Variants in RALYL observed in about 807,000 individuals in gnomAD.
The protein encoded by RALYL is RNA-binding Raly-like protein.
Under a neutral mutation model 35.1 loss-of-function variants are expected in RALYL, and 29 were observed. The observed-to-expected ratio is 0.83, with a 90% CI of 0.61 to 1.13. The LOEUF (loss-of-function observed/expected upper bound fraction) is 1.13, where lower values mean the gene tolerates loss of function less well. Ranked by LOEUF, RALYL falls within the 50% of genes most tolerant of loss-of-function variation. The probability of loss-of-function intolerance (pLI) is 0.00; values close to 1 mark genes in which losing one functional copy is unlikely to be tolerated. For synonymous variants in RALYL, 120 were observed against 127.6 expected (o/e 0.94, Z 0.40); for missense variants, 359 against 360.4 (o/e 1.00, Z 0.03).
chr8:84,464,143 T>C (rs1183310945), intron 1 of RALYL, among the ~76,000 whole-genome samples: 1 of 52,916 alleles, frequency 1.9e-5, no homozygotes, highest in East Asian at 4.7e-4. Flanking sequence ...TTTTTTTTTG[T>C]TTTTTTTTTT....
At chr8:84,658,192 TCTA>T (rs1564323782) in intron 2 of RALYL, among the ~76,000 whole-genome samples, 1 of 152,184 alleles carries the variant, frequency 6.6e-6, no homozygotes, top group Non-Finnish European at 1.5e-5. Context: ...CCCACATTTC[TCTA>T]CTTATAAATA....
chr8:84,612,518 G>A (rs768102566), intron 2 of RALYL, among the ~76,000 whole-genome samples: 17 of 151,988 alleles, frequency 1.1e-4, no homozygotes, highest in Non-Finnish European at 1.5e-4. Flanking sequence ...AAGTGACTAT[G>A]CAAAAGAAAA....
chr8:84,919,729 G>A (rs879423284), intron 8 of RALYL, among the ~76,000 whole-genome samples: 1 of 151,932 alleles, frequency 6.6e-6, no homozygotes, highest in Non-Finnish European at 1.5e-5. Flanking sequence ...TCTTTCCTAG[G>A]GATATAAGTT....
chr8:84,184,672 A>T (rs1248571669), intron 1 of RALYL, among the ~76,000 whole-genome samples: 1 of 151,292 alleles, frequency 6.6e-6, no homozygotes, highest in Non-Finnish European at 1.5e-5. Flanking sequence ...TCCCACGGTG[A>T]GCTGCGCCCA....
chr8:84,190,923 G>A (rs1189980754), intron 1 of RALYL, among the ~76,000 whole-genome samples: 1 of 151,948 alleles, frequency 6.6e-6, no homozygotes, highest in African/African-American at 2.4e-5. Context: ...GAAAAATAGA[G>A]TTAGGATGAT....
chr8:84,378,983 C>T (rs994702267), intron 1 of RALYL, among the ~76,000 whole-genome samples: 1 of 151,914 alleles, frequency 6.6e-6, no homozygotes, highest in Admixed American at 6.6e-5. Flanking sequence ...GCTCTTGGAA[C>T]CTGCCTGTTC....
intron 1 of RALYL, among the ~76,000 whole-genome samples, chr8:84,212,166 A>G (rs1287604556): frequency 1.3e-5 from 2 of 152,196 alleles, no homozygotes; most frequent in African/African-American, 4.8e-5. Context: ...GTTTCATAGC[A>G]GAGGTTAATA....
At position 84,464,710 on chromosome 8, in the gene RALYL, C is replaced by T. The variant is rs563586946; in HGVS notation, c.-23-64589C>T. ...TTCCAGTTCTAGATCCCTAAGGAATCGCTACACTGACTTCCACAATGGTTG... is the reference window on the plus strand; with the variant it reads ...TTCCAGTTCTAGATCCCTAAGGAATTGCTACACTGACTTCCACAATGGTTG... On this transcript the variant is annotated intron_variant, in intron 1 of 8. Coordinates refer to ENST00000521268, the MANE Select transcript of RALYL (RefSeq NM_173848.7). Among the ~76,000 whole-genome samples, 10 of 152,154 alleles carry T rather than the reference C, an allele frequency of 6.6e-5. No individual in the cohort carries two copies. The East Asian group carries it at 1.4e-3, about 21-fold the overall frequency.
chr8:84,526,790 T>A (rs1184645184), intron 1 of RALYL, among the ~76,000 whole-genome samples: 1 of 152,156 alleles, frequency 6.6e-6, no homozygotes, highest in Non-Finnish European at 1.5e-5. Flanking sequence ...GCTCTAGACC[T>A]GAAATATGTT....
chr8:84,435,924 T>C (rs1291935611), intron 1 of RALYL, among the ~76,000 whole-genome samples: 1 of 152,120 alleles, frequency 6.6e-6, no homozygotes, highest in Non-Finnish European at 1.5e-5. Flanking sequence ...CTTTCTTCTC[T>C]AGAAATATGG....
At chr8:84,329,575 T>C (rs1293037450) in intron 1 of RALYL, among the ~76,000 whole-genome samples, 1 of 152,168 alleles carries the variant, frequency 6.6e-6, no homozygotes, top group Non-Finnish European at 1.5e-5. Flanking sequence ...CTATTGATAG[T>C]TTCTTTTGCT....
intron 8 of RALYL, among the ~76,000 whole-genome samples, chr8:84,898,240 A>G (rs746873556): frequency 6.6e-6 from 1 of 152,128 alleles, no homozygotes; most frequent in Non-Finnish European, 1.5e-5. Context: ...TCTGGGGCGG[A>G]CCCCAGTCCT....
chr8:84,819,151 A>G (rs962906705), intron 4 of RALYL, among the ~76,000 whole-genome samples: 1 of 152,166 alleles, frequency 6.6e-6, no homozygotes, highest in Non-Finnish European at 1.5e-5. Flanking sequence ...TAAGACTCAG[A>G]CAGTGCTACC....
At position 84,456,174 on chromosome 8, in the gene RALYL, G is replaced by A. The variant is rs148068529; in HGVS notation, c.-23-73125G>A. 1.5e-3 allele frequency among the ~76,000 whole-genome samples: 227 copies of A among 152,138 alleles called. 2 individuals carry two copies. Among genetic ancestry groups the A allele is most frequent in the African/African-American group, 4.7e-3 (197 of 41,538 alleles). ...AGCTCTCTGAAACAGACTGGGTGAG[G>A]TGTTGCTCACTGGTGCCTAGCACAG... On this transcript the variant is annotated intron_variant, in intron 1 of 8. Transcript: ENST00000521268.
chr8:84,277,396 A>G (rs376393415), intron 1 of RALYL, among the ~76,000 whole-genome samples: 3 of 152,042 alleles, frequency 2.0e-5, no homozygotes, highest in Non-Finnish European at 2.9e-5. Flanking sequence ...CATGGGGCTT[A>G]TTATAATTAA....
chr8:84,591,764 G>A (rs1017229111), intron 2 of RALYL, among the ~76,000 whole-genome samples: 1 of 152,142 alleles, frequency 6.6e-6, no homozygotes, highest in South Asian at 2.1e-4. Context: ...AGGACTGTGT[G>A]ATGATGATGG....
In RALYL at chr8:84,529,517, C is replaced by T. The variant is rs775786098; in HGVS notation, c.196C>T (p.Arg66Ter). The change falls in exon 2 of 9, where the codon CGA becomes TGA. Residue 66 changes from arginine to a stop codon, truncating the protein, a stop_gained. Transcript: ENST00000521268. LOFTEE classifies it high-confidence loss of function. Reference sequence around the variant, plus strand: ...TGCATTTGTACAGTACATGAGTGAGCGACATGCAAGAGCTGCAGTGGCTGG... The same window carrying T: ...TGCATTTGTACAGTACATGAGTGAGTGACATGCAAGAGCTGCAGTGGCTGG... Reference protein sequence around the residue: ...GYAFVQYMSERHARAAVAGEN... With the variant: ...GYAFVQYMSE 6 of 1,612,724 alleles carry T rather than the reference C, an allele frequency of 3.7e-6. No homozygotes were observed. The highest frequency in any genetic ancestry group is 4.2e-6 in the Non-Finnish European group (5 of 1,178,944).
intron 2 of RALYL, among the ~76,000 whole-genome samples, chr8:84,624,669 A>C (rs1158012864): frequency 6.6e-6 from 1 of 152,168 alleles, no homozygotes; most frequent in African/African-American, 2.4e-5. Flanking sequence ...GTAAGATTAC[A>C]TATTCACAGT....
intron 2 of RALYL, among the ~76,000 whole-genome samples, chr8:84,646,691 G>T (rs1005220559): frequency 4.9e-4 from 74 of 152,096 alleles, no homozygotes; most frequent in African/African-American, 1.7e-3. Flanking sequence ...AGTGTTGTGG[G>T]CGGAGGGATT....
Sources: allele counts gnomAD v4.1 joint callset (sites outside exome capture counted in the v4.1 genomes callset), GRCh38; gene constraint gnomAD v4.1.1; transcripts MANE v1.5; gene names NCBI Gene and HGNC (gene_info 2026-07-23, HGNC 2026-07-21).